Variants in MYT1 observed in about 807,000 individuals in gnomAD.
MYT1 encodes myelin transcription factor I.
MYT1 carries 23 observed loss-of-function variants against 123.0 expected under a neutral mutation model. The ratio of observed to expected loss-of-function variants is 0.19; its 90% confidence interval spans 0.13 to 0.26. MYT1 has a LOEUF of 0.26. Among genes scored for constraint, MYT1 ranks in the 10% least tolerant of loss-of-function variants. The probability of loss-of-function intolerance (pLI) is 1.00; values close to 1 mark genes in which losing one functional copy is unlikely to be tolerated. For missense variants in MYT1, 1,125 were observed against 1,472.5 expected (o/e 0.76, Z 3.86); for synonymous variants, 518 against 575.3 (o/e 0.90, Z 1.43).
intron 1 of MYT1, among the ~76,000 whole-genome samples, chr20:64,187,949 G>A (rs1982861913): frequency 6.6e-6 from 1 of 152,216 alleles, no homozygotes; most frequent in African/African-American, 2.4e-5. Flanking sequence ...CCTCAGGGAG[G>A]CAGGAGTGGC....
chr20:64,205,215 C>T (rs1181554714), intron 5 of MYT1, 118 bp downstream of exon 5: 1 of 1,254,024 alleles, frequency 8.0e-7, no homozygotes, highest in Non-Finnish European at 1.1e-6. Flanking sequence ...AGGCTGCTGA[C>T]CCTTCTGCGA....
rs1473763817 is a variant in MYT1 at position 64,196,259 on chromosome 20, G to A, written c.1-2603G>A. ...GGGCCCAGCTGTCATTGTGTGGTGG[G>A]GGCAGAAGGTCTGGGGGGCTGCCGT... On this transcript the variant is annotated intron_variant, in intron 2 of 22. Coordinates refer to ENST00000328439, the MANE Select transcript of MYT1 (RefSeq NM_004535.3). This position sits in a 1 kb window ranked among gnomAD's most constrained non-coding sequence, Gnocchi z 4.3. Among the ~76,000 whole-genome samples the A allele has an allele frequency of 1.3e-5, 2 of 152,160 alleles. No individual in the cohort carries two copies. The highest frequency in any genetic ancestry group is 6.5e-5 in the Admixed American group (1 of 15,280).
At chr20:64,216,780 C>T (rs1454386340) in intron 10 of MYT1, among the ~76,000 whole-genome samples, 2 of 152,224 alleles carry the variant, frequency 1.3e-5, no homozygotes, top group Admixed American at 6.5e-5. Context: ...TTAGGCCCTC[C>T]TCTATCTGAT....
At position 64,207,632 on chromosome 20, in the gene MYT1, A is replaced by G. The variant is rs369808520; in HGVS notation, c.436A>G (p.Ile146Val). ...PVKSHFGSNP[I>V]GSATASSKGS... is the part of the protein sequence containing the mutation. The stretch of plus-strand genomic sequence containing the variant: ...CAAGTCCCATTTTGGATCCAACCCC[A>G]TCGGCAGCGCCACTGCCTCCTCCAA... The change falls in exon 7 of 23, where the codon ATC becomes GTC. Residue 146 changes from isoleucine to valine, a missense_variant. By Grantham distance (29) the Ile-to-Val change is conservative. Transcript: ENST00000328439. 1.9e-5 allele frequency: 31 copies of G among 1,613,796 alleles called. No homozygotes were observed. In the African/African-American group the frequency reaches 3.6e-4, roughly 19 times the overall value.
intron 18 of MYT1, among the ~76,000 whole-genome samples, chr20:64,228,593 T>C (rs1450448534): frequency 4.6e-5 from 7 of 152,166 alleles, no homozygotes; most frequent in Non-Finnish European, 1.0e-4. Context: ...TGTGTCTTTG[T>C]GGGGCTTATA....
chr20:64,229,668 T>C (rs3003143), intron 18 of MYT1, among the ~76,000 whole-genome samples: 147,807 of 152,348 alleles, frequency 0.97, 71,742 homozygotes, highest in Middle Eastern at 1. Flanking sequence ...GGAATGGATG[T>C]GTCAGGTCAT....
At chr20:64,224,023 C>G (rs1415447513) in intron 16 of MYT1, among the ~76,000 whole-genome samples, 1 of 152,190 alleles carries the variant, frequency 6.6e-6, no homozygotes, top group African/African-American at 2.4e-5. Context: ...CGCAAGCACC[C>G]AGAGGTTTCC....
chr20:64,205,421 G>T (rs1360337951), intron 5 of MYT1, 132 bp from the exon 6 acceptor site: 2 of 1,397,626 alleles, frequency 1.4e-6, no homozygotes, highest in African/African-American at 1.4e-5. Context: ...TTTTTGTCCG[G>T]GTTCCCTGCA....
At position 64,186,748 on chromosome 20, in the gene MYT1, G is replaced by C. The variant is rs1301125221; in HGVS notation, c.-98-3315G>C. Among the ~76,000 whole-genome samples the C allele has an allele frequency of 6.6e-6, 1 of 152,262 alleles. No individual in the cohort carries two copies. Among genetic ancestry groups the C allele is most frequent in the East Asian group, 1.9e-4 (1 of 5,202 alleles). ...TATGGAACACCTCCACGTTTCCGTG[G>C]AGAGATTTCCTGTAGCCCGTGGCCC... On this transcript the variant is annotated intron_variant, in intron 1 of 22. Transcript: ENST00000328439. This position sits in a 1 kb window ranked among gnomAD's most constrained non-coding sequence, Gnocchi z 4.3.
intron 21 of MYT1, among the ~76,000 whole-genome samples, chr20:64,238,296 A>G (rs1262177528): frequency 6.6e-6 from 1 of 152,242 alleles, no homozygotes; most frequent in African/African-American, 2.4e-5. Flanking sequence ...GGGCAGGGAC[A>G]GATGGGGAGA....
Position 64,239,910 on chromosome 20 carries a change from A to G in MYT1, c.3237+7A>G, listed in dbSNP as rs915620566. 2 of 1,611,310 alleles carry G rather than the reference A, an allele frequency of 1.2e-6. No homozygotes were observed. The highest frequency in any genetic ancestry group is 2.7e-5 in the African/African-American group (2 of 74,948). On this transcript the variant is annotated splice_region_variant and intron_variant, in intron 22 of 22. Transcript: ENST00000328439. ...TATCCGCCTTCCGCACATGGTAGGC[A>G]GCACGCGGGCCTGCCGGCACCACAG...
At position 64,218,729 on chromosome 20, in the gene MYT1, G is replaced by A. The variant is rs1406833089; in HGVS notation, c.1847-182G>A. On this transcript the variant is annotated intron_variant, in intron 11 of 22. Coordinates refer to ENST00000328439, the MANE Select transcript of MYT1 (RefSeq NM_004535.3). This position sits in a 1 kb window ranked among gnomAD's most constrained non-coding sequence, Gnocchi z 4.0. The stretch of plus-strand genomic sequence containing the variant: ...CCACTTCGATATAGCTGTGCCCTGG[G>A]CCCTCCCATCCCTCCCAAAGTGCCC... 1.6e-5 allele frequency: 12 copies of A among 768,986 alleles called. No homozygotes were observed. Among genetic ancestry groups the A allele is most frequent in the Non-Finnish European group, 2.6e-5 (12 of 453,980 alleles). 47.6% of individuals were successfully genotyped at this position (768,986 alleles called of 1,614,324 possible).
At position 64,191,266 on chromosome 20, in the gene MYT1, C is replaced by T. The variant is rs1393176314; in HGVS notation, c.-1+1106C>T. 2.0e-5 allele frequency among the ~76,000 whole-genome samples: 3 copies of T among 152,154 alleles called. No individual in the cohort carries two copies. Among genetic ancestry groups the T allele is most frequent in the Non-Finnish European group, 2.9e-5 (2 of 68,030 alleles). On this transcript the variant is annotated intron_variant, in intron 2 of 22. Transcript: ENST00000328439. This position sits in a 1 kb window ranked among gnomAD's most constrained non-coding sequence, Gnocchi z 4.1. The stretch of plus-strand genomic sequence containing the variant: ...CTTCCCAGGGTATAAGATCTCCCTT[C>T]GGGGACACTCCCGAACTGTGACATC...
chr20:64,199,994 CA>C, intron 4 of MYT1, 72 bp downstream of exon 4: 1 of 1,567,266 alleles, frequency 6.4e-7, no homozygotes, highest in Non-Finnish European at 8.8e-7. Flanking sequence ...CTAAATGTCC[CA>C]AACGGGGTCT....
intron 7 of MYT1, among the ~76,000 whole-genome samples, chr20:64,210,006 G>A (rs1454569393): frequency 2.6e-5 from 4 of 152,226 alleles, no homozygotes; most frequent in African/African-American, 9.6e-5. Context: ...GTGAGACTTA[G>A]GGACAGGTGT....
At chr20:64,238,734 G>A (rs955865591) in intron 21 of MYT1, among the ~76,000 whole-genome samples, 6 of 151,780 alleles carry the variant, frequency 4.0e-5, no homozygotes, top group Non-Finnish European at 7.4e-5. Flanking sequence ...AGTCCCCAGG[G>A]CCTTCATCAG....
intron 20 of MYT1, 135 bp from the exon 21 acceptor site, chr20:64,237,152 T>A (rs1223170323): frequency 1.6e-6 from 1 of 639,210 alleles, no homozygotes; most frequent in Non-Finnish European, 2.7e-6. Context: ...CAGAGAGAGA[T>A]GAGCTCGGAA....
chr20:64,228,056 A>G, intron 18 of MYT1, 85 bp downstream of exon 18: 1 of 1,327,396 alleles, frequency 7.5e-7, no homozygotes, highest in Admixed American at 2.1e-5. Context: ...CTCCTACTAG[A>G]TTCCCTTTTC....
At position 64,171,127 on chromosome 20, in the gene MYT1, G is replaced by A. The variant is rs530828164; in HGVS notation, c.-99+6388G>A. Among the ~76,000 whole-genome samples, 350 of 150,774 alleles carry A rather than the reference G, an allele frequency of 2.3e-3. 2 individuals are homozygous for A. The highest frequency in any genetic ancestry group is 8.3e-3 in the African/African-American group (342 of 40,982). On this transcript the variant is annotated intron_variant, in intron 1 of 22. Transcript: ENST00000328439. ...AGAGATGGGGTTTTGCCATGTTGGC[G>A]AGGCTGGTCTTGAACTCCTGACCTC...
Sources: allele counts gnomAD v4.1 joint callset (sites outside exome capture counted in the v4.1 genomes callset), GRCh38; gene constraint gnomAD v4.1.1; non-coding constraint Gnocchi (gnomAD v3.1); transcripts MANE v1.5; gene names NCBI Gene and HGNC (gene_info 2026-07-23, HGNC 2026-07-21).